DOCK11: variants seen among roughly 807,000 people sequenced by gnomAD.
The protein encoded by DOCK11 is dedicator of cytokinesis protein 11.
A neutral mutation model predicts 169.1 loss-of-function variants in DOCK11; 70 were observed. The ratio of observed to expected loss-of-function variants is 0.41; its 90% CI spans 0.34 to 0.51. The LOEUF (loss-of-function observed/expected upper bound fraction) is 0.51, where lower values mean the gene tolerates loss of function less well. Among genes scored for constraint, DOCK11 ranks in the 20% least tolerant of loss-of-function variants. The pLI is 0.10. For synonymous variants in DOCK11, 529 were observed against 541.3 expected (o/e 0.98, Z 0.32); for missense variants, 1,166 against 1,538.8 (o/e 0.76, Z 4.05).
At chrX:118,632,252 C>T (rs1393823642) in intron 35 of DOCK11, 2 of 112,223 alleles carry the variant, frequency 1.8e-5, no homozygotes, top group Non-Finnish European at 3.8e-5. Context: ...CACACCCGGC[C>T]CATGACTGTT....
In DOCK11 at chrX:118,547,893, T is replaced by C. The variant is rs764398395; in HGVS notation, c.558+1777T>C. On this transcript the variant is annotated intron_variant, in intron 6 of 52. Coordinates refer to ENST00000276202, the MANE Select transcript of DOCK11 (RefSeq NM_144658.4). ...CCCTTTCCCGCAGATTCTCAAAATATTCAAATAGGGCCAGGCAGGAGGCTC... is the reference window on the plus strand; with the variant it reads ...CCCTTTCCCGCAGATTCTCAAAATACTCAAATAGGGCCAGGCAGGAGGCTC... 9.5e-4 allele frequency among the ~76,000 whole-genome samples: 106 copies of C among 112,166 alleles called. 1 individual carries two copies. The highest frequency in any genetic ancestry group is 4.6e-3 in the Middle Eastern group (1 of 217).
intron 46 of DOCK11, among the ~76,000 whole-genome samples, chrX:118,673,569 A>G (rs2016538736): frequency 8.9e-6 from 1 of 112,238 alleles, no homozygotes; most frequent in South Asian, 3.7e-4. Context: ...AAAGTAAGGA[A>G]GATTTCCCTC....
intron 10 of DOCK11, among the ~76,000 whole-genome samples, chrX:118,569,063 C>T (rs997762554): frequency 4.1e-5 from 4 of 98,649 alleles, no homozygotes; most frequent in Non-Finnish European, 6.1e-5. Flanking sequence ...CTTTCTTTCT[C>T]TCTCTCTCTT....
intron 1 of DOCK11, among the ~76,000 whole-genome samples, chrX:118,516,383 C>CCG (rs2057688413): frequency 1.0e-5 from 1 of 99,112 alleles, no homozygotes; most frequent in Non-Finnish European, 2.0e-5. Flanking sequence ...GCGTGAGCCA[C>CCG]TGCACCCGGC....
At chrX:118,519,424 C>A (rs1394150837) in intron 1 of DOCK11, among the ~76,000 whole-genome samples, 1 of 111,954 alleles carries the variant, frequency 8.9e-6, no homozygotes, top group Non-Finnish European at 1.9e-5. Context: ...GTGGCACACA[C>A]CTGTAATCCC....
intron 1 of DOCK11, among the ~76,000 whole-genome samples, chrX:118,502,578 A>T (rs2057582275): frequency 8.9e-6 from 1 of 111,803 alleles, no homozygotes; most frequent in African/African-American, 3.3e-5. Context: ...TCTTGAACCC[A>T]ACGTCTGTCA....
At chrX:118,656,913 T>G (rs2016086964) in intron 44 of DOCK11, among the ~76,000 whole-genome samples, 1 of 111,508 alleles carries the variant, frequency 9.0e-6, no homozygotes, top group Non-Finnish European at 1.9e-5. Flanking sequence ...GCCTGGGCAA[T>G]GAGAACAAAA....
intron 44 of DOCK11, among the ~76,000 whole-genome samples, chrX:118,656,610 G>A (rs1165981576): frequency 7.2e-5 from 8 of 111,851 alleles, no homozygotes; most frequent in Non-Finnish European, 1.5e-4. Context: ...AACCTTAAAC[G>A]GAGTACCGTG....
intron 20 of DOCK11, 23 bp from the exon 21 acceptor site, chrX:118,597,406 TCA>T: frequency 8.3e-7 from 1 of 1,209,437 alleles, no homozygotes. Flanking sequence ...ATTTCATTTC[TCA>T]CAGTTTGTTA....
At chrX:118,594,438 C>A (rs959280643) in intron 20 of DOCK11, among the ~76,000 whole-genome samples, 1 of 112,089 alleles carries the variant, frequency 8.9e-6, no homozygotes, top group African/African-American at 3.2e-5. Context: ...CTTATTGGAA[C>A]ATTTCATATT....
intron 6 of DOCK11, among the ~76,000 whole-genome samples, chrX:118,548,763 T>C (rs1438204986): frequency 8.9e-6 from 1 of 112,333 alleles, no homozygotes; most frequent in Non-Finnish European, 1.9e-5. Context: ...ATGTCAGACT[T>C]CTAACCTGCG....
intron 1 of DOCK11, among the ~76,000 whole-genome samples, chrX:118,503,119 G>T (rs1347527318): frequency 1.0e-5 from 1 of 98,524 alleles, no homozygotes; most frequent in Admixed American, 1.1e-4. Flanking sequence ...TGTCGCCCAG[G>T]CACGATCTTG....
intron 1 of DOCK11, among the ~76,000 whole-genome samples, chrX:118,511,582 G>A (rs1442458855): frequency 1.8e-5 from 2 of 111,703 alleles, no homozygotes; most frequent in Non-Finnish European, 3.8e-5. Context: ...TTTCTGCTTT[G>A]GAGTTTCTCC....
At chrX:118,506,861 A>G (rs1569402278) in intron 1 of DOCK11, among the ~76,000 whole-genome samples, 1 of 111,206 alleles carries the variant, frequency 9.0e-6, no homozygotes, top group Non-Finnish European at 1.9e-5. Context: ...AGGTAGGAGG[A>G]TTGTTTGAGG....
chrX:118,630,536 C>T (rs1232321981), intron 35 of DOCK11, 46 bp downstream of exon 35: 2 of 813,184 alleles, frequency 2.5e-6, no homozygotes, highest in Non-Finnish European at 1.8e-6. Context: ...GACATACACC[C>T]TCACAGGTTC....
chrX:118,616,665 A>G (rs1788812272), intron 30 of DOCK11, among the ~76,000 whole-genome samples: 1 of 111,053 alleles, frequency 9.0e-6, no homozygotes, highest in African/African-American at 3.3e-5. Context: ...GATTTATTCA[A>G]ATCACCAAAA....
chrX:118,548,325 A>G lies in DOCK11; in HGVS notation c.558+2209A>G, dbSNP rs915717695. ...CTCATAATTTGTGAAATACACATTGATTGATTGATGTGATAGGAGGAATTG... is the reference window on the plus strand; with the variant it reads ...CTCATAATTTGTGAAATACACATTGGTTGATTGATGTGATAGGAGGAATTG... On this transcript the variant is annotated intron_variant, in intron 6 of 52. Coordinates refer to ENST00000276202, the MANE Select transcript of DOCK11 (RefSeq NM_144658.4). Among the ~76,000 whole-genome samples, 5 of 112,322 alleles carry G rather than the reference A, an allele frequency of 4.5e-5. No homozygotes were observed. In the Admixed American group the frequency reaches 4.7e-4, roughly 11 times the overall value.
intron 23 of DOCK11, among the ~76,000 whole-genome samples, chrX:118,602,914 G>A (rs2014385590): frequency 8.9e-6 from 1 of 112,026 alleles, no homozygotes; most frequent in Non-Finnish European, 1.9e-5. Flanking sequence ...GCCAGACATT[G>A]TTCTGGATGC....
In DOCK11 at chrX:118,543,023, G is replaced by A; in HGVS notation, c.309+8G>A. ...AGTTTATTTGTTAAAGAGGTAAGAG[G>A]CTCAAAGGCCACAGAAGAATATTCT... On this transcript the variant is annotated splice_region_variant and intron_variant, in intron 3 of 52. Transcript: ENST00000276202. The A allele has an allele frequency of 8.7e-7, 1 of 1,147,868 alleles. No homozygotes were observed. The highest frequency in any genetic ancestry group is 1.2e-6 in the Non-Finnish European group (1 of 842,521). The allele number at this position is 1,147,868 out of a possible 1,213,427, so 94.6% of individuals were successfully genotyped here. A position where few individuals can be genotyped will look rare whatever the true frequency, so the allele number is the denominator to read the frequency against.
Sources: allele counts gnomAD v4.1 joint callset (sites outside exome capture counted in the v4.1 genomes callset), GRCh38; gene constraint gnomAD v4.1.1; transcripts MANE v1.5; gene names NCBI Gene and HGNC (gene_info 2026-07-23, HGNC 2026-07-21).